The following DNAH6 variants were observed in gnomAD, a reference collection of about 807,000 sequenced individuals.
The protein encoded by DNAH6 is axonemal beta dynein heavy chain 6.
Under a neutral mutation model 491.4 loss-of-function variants are expected in DNAH6, and 340 were observed. That is an observed-to-expected ratio of 0.69 (90% CI 0.63 to 0.76). The LOEUF (loss-of-function observed/expected upper bound fraction) is 0.76, where lower values mean the gene tolerates loss of function less well. Ranked by LOEUF, DNAH6 falls within the 30% of genes least tolerant of loss-of-function variation. The pLI, the probability that DNAH6 is intolerant of heterozygous loss-of-function variation, is 0.00. For missense variants in DNAH6, 4,443 were observed against 4,972.2 expected (o/e 0.89, Z 3.20); for synonymous variants, 1,603 against 1,686.1 (o/e 0.95, Z 1.21).
At chr2:84,813,785 C>A (rs555516067) in intron 74 of DNAH6, among the ~76,000 whole-genome samples, 186 bp from the exon 75 acceptor site, 130 of 152,228 alleles carry the variant, frequency 8.5e-4, no homozygotes, top group African/African-American at 3.0e-3. Flanking sequence ...GGGCCCTTAC[C>A]TCCCAACATG....
chr2:84,529,978 T>C (rs1474657230), intron 4 of DNAH6, among the ~76,000 whole-genome samples: 1 of 152,194 alleles, frequency 6.6e-6, no homozygotes, highest in Non-Finnish European at 1.5e-5. Flanking sequence ...AAATGACAGA[T>C]GTGTTGTAAA....
At chr2:84,786,396 G>T (rs963181552) in intron 67 of DNAH6, among the ~76,000 whole-genome samples, 1 of 146,702 alleles carries the variant, frequency 6.8e-6, no homozygotes, top group African/African-American at 2.5e-5. Flanking sequence ...CTGCACTCTA[G>T]CCTGGGTGAC....
intron 37 of DNAH6, among the ~76,000 whole-genome samples, chr2:84,661,311 A>G (rs1445684208): frequency 1.3e-5 from 2 of 152,140 alleles, no homozygotes; most frequent in African/African-American, 4.8e-5. Flanking sequence ...CTTTTAGTAA[A>G]CACTATATTG....
At chr2:84,759,028 G>C (rs1230480028) in intron 63 of DNAH6, among the ~76,000 whole-genome samples, 1 of 152,056 alleles carries the variant, frequency 6.6e-6, no homozygotes, top group Non-Finnish European at 1.5e-5. Context: ...ATATGGTATA[G>C]TATGATATAT....
intron 43 of DNAH6, 139 bp from the exon 44 acceptor site, chr2:84,686,343 AAC>A (rs1465373391): frequency 3.6e-6 from 2 of 561,614 alleles, no homozygotes; most frequent in Non-Finnish European, 6.4e-6. Context: ...GCATGGAGTT[AAC>A]ACAGTATTCT....
chr2:84,618,090 G>C (rs924233961), intron 23 of DNAH6, among the ~76,000 whole-genome samples: 2 of 152,044 alleles, frequency 1.3e-5, no homozygotes, highest in African/African-American at 2.4e-5. Flanking sequence ...TATATTACTT[G>C]GGAAAGATTT....
At chr2:84,610,247 A>G (rs910442518) in intron 21 of DNAH6, among the ~76,000 whole-genome samples, 3 of 152,194 alleles carry the variant, frequency 2.0e-5, no homozygotes, top group African/African-American at 7.2e-5. Context: ...CAACATGACC[A>G]TTGGCTGCAT....
chr2:84,700,958 A>G, intron 48 of DNAH6, 139 bp from the exon 49 acceptor site: 1 of 983,924 alleles, frequency 1.0e-6, no homozygotes, highest in Non-Finnish European at 1.5e-6. Flanking sequence ...ATTAAGCACC[A>G]TAGACATGAG....
rs2104768292 is a variant in DNAH6, at chr2:84,688,925, A to G, written c.7292+332A>G. On this transcript the variant is annotated intron_variant, in intron 45 of 76. Transcript: ENST00000389394. Reference sequence around the variant, plus strand: ...CAATGCTAGTTCCATGCATGCCTAAAGAAAGAGGAGCTTCAAAATTATAGC... The same window carrying G: ...CAATGCTAGTTCCATGCATGCCTAAGGAAAGAGGAGCTTCAAAATTATAGC... 2.0e-5 allele frequency among the ~76,000 whole-genome samples: 3 copies of G among 152,356 alleles called. 1 individual carries two copies. In the Middle Eastern group the frequency reaches 0.01, roughly 518 times the overall value.
At chr2:84,473,232 G>T in the DNAH6 span, among the ~76,000 whole-genome samples, 7 of 152,190 alleles carry the variant, frequency 4.6e-5, no homozygotes, top group Admixed American at 2.6e-4. Flanking sequence ...CCATTCTTGG[G>T]AATTAACATA....
chr2:84,500,133 A>C, the DNAH6 span, among the ~76,000 whole-genome samples: 1 of 152,192 alleles, frequency 6.6e-6, no homozygotes, highest in Non-Finnish European at 1.5e-5. Flanking sequence ...GATTTTCCCC[A>C]ATGCTTTCTC....
At chr2:84,736,617 T>C (rs1558979015) in intron 62 of DNAH6, among the ~76,000 whole-genome samples, 1 of 152,104 alleles carries the variant, frequency 6.6e-6, no homozygotes, top group Non-Finnish European at 1.5e-5. Context: ...TTGCATTCTT[T>C]ATTTGTTTCT....
Position 84,703,536 on chromosome 2 carries a change from G to T in DNAH6, c.8203G>T (p.Ala2735Ser), listed in dbSNP as rs1009495572. The T allele has an allele frequency of 6.4e-7, 1 of 1,551,098 alleles. No homozygotes were observed. The highest frequency in any genetic ancestry group is 2.4e-5 in the East Asian group (1 of 40,922). The stretch of plus-strand genomic sequence containing the variant: ...TGTTGAAGCCCTGATGGAAAAATTG[G>T]CAGTGGATCAAGAAAGTGCCGATCA... ...EDVEALMEKLAVDQESADQVR... is the reference protein window; with the variant it reads ...EDVEALMEKLSVDQESADQVR... Residue 2735 changes from alanine to serine, a missense_variant, in exon 50 of 77, where the codon GCA becomes TCA. Coordinates refer to ENST00000389394, the MANE Select transcript of DNAH6 (RefSeq NM_001370.2).
At position 84,677,077 on chromosome 2, in the gene DNAH6, C is replaced by T. The variant is rs1170182502; in HGVS notation, c.6685C>T (p.His2229Tyr). Residue 2229 changes from histidine (H) to tyrosine (Y), a missense_variant, in exon 41 of 77, where the codon CAC becomes TAC. Physicochemically the swap from His to Tyr is moderately conservative, Grantham distance 83. Coordinates refer to ENST00000389394, the MANE Select transcript of DNAH6 (RefSeq NM_001370.2). ...RNPVTPRFIR[H>Y]FSMLCLPMPS... is the part of the protein sequence containing the mutation. ...CCCTGTGACTCCCCGCTTCATCAGA[C>T]ACTTCAGCATGCTGTGCCTCCCAAT... 6.4e-6 allele frequency: 10 copies of T among 1,551,780 alleles called. No homozygotes were observed. The highest frequency in any genetic ancestry group is 2.0e-5 in the Admixed American group (1 of 51,012).
At chr2:84,578,620 A>G (rs1473001578) in intron 13 of DNAH6, among the ~76,000 whole-genome samples, 1 of 152,222 alleles carries the variant, frequency 6.6e-6, no homozygotes. Flanking sequence ...ATTTGTTTGT[A>G]TGGAGAGAGA....
At chr2:84,530,179 A>G (rs1424405427) in intron 4 of DNAH6, among the ~76,000 whole-genome samples, 1 of 152,178 alleles carries the variant, frequency 6.6e-6, no homozygotes, top group Non-Finnish European at 1.5e-5. Flanking sequence ...TTAGCAGAGG[A>G]TGGCAATAAT....
intron 52 of DNAH6, 135 bp downstream of exon 52, chr2:84,705,882 T>C: frequency 8.7e-7 from 1 of 1,148,676 alleles, no homozygotes; most frequent in East Asian, 2.7e-5. Flanking sequence ...AGCTTTTGTT[T>C]TAAACAAGAG....
At chr2:84,808,628 C>T (rs1431164431) in intron 72 of DNAH6, 86 bp downstream of exon 72, 1 of 1,373,532 alleles carries the variant, frequency 7.3e-7, no homozygotes, top group African/African-American at 1.4e-5. Context: ...ATTCCCATCA[C>T]TTCAGCATTT....
chr2:84,744,404 G>C (rs778460396), intron 62 of DNAH6, among the ~76,000 whole-genome samples: 5 of 152,178 alleles, frequency 3.3e-5, no homozygotes, highest in Non-Finnish European at 7.3e-5. Context: ...AACTAACTGT[G>C]ATCCTAACTT....
Sources: gnomAD v4.1 joint callset for allele counts (sites outside exome capture counted in the v4.1 genomes callset) on GRCh38, gnomAD v4.1.1 for gene constraint, MANE v1.5 for transcripts, NCBI Gene and HGNC (gene_info 2026-07-23, HGNC 2026-07-21) for gene names.